Variants in IQCM observed in about 807,000 individuals in gnomAD.
The protein encoded by IQCM is IQ motif containing M.
A neutral mutation model predicts 57.6 loss-of-function variants in IQCM; 45 were observed. That is an observed-to-expected ratio of 0.78 (90% CI 0.62 to 1.00). The LOEUF is 1.00. Ranked by LOEUF, IQCM falls within the 50% of genes least tolerant of loss-of-function variation. IQCM has a pLI of 0.00. For synonymous variants in IQCM, 148 were observed against 158.9 expected (o/e 0.93, Z 0.51); for missense variants, 468 against 511.6 (o/e 0.91, Z 0.82).
chr4:149,390,384 T>A (rs145794643), intron 13 of IQCM, among the ~76,000 whole-genome samples: 1,674 of 152,070 alleles, frequency 0.011, 95 homozygotes, highest in Admixed American at 0.095. Context: ...AGAAATAGTT[T>A]TACTTCTTCC....
chr4:149,388,860 GT>G (rs1731639179), intron 13 of IQCM, among the ~76,000 whole-genome samples: 1 of 149,478 alleles, frequency 6.7e-6, no homozygotes, highest in Admixed American at 6.7e-5. Flanking sequence ...TATTATAAAT[GT>G]TCTTATATAT....
chr4:149,735,528 A>C (rs1766855636), intron 3 of IQCM, 70 bp from the exon 4 acceptor site: 1 of 610,920 alleles, frequency 1.6e-6, no homozygotes, highest in Admixed American at 4.4e-5. Context: ...TTGACATTAT[A>C]AAAGGAAGCA....
chr4:149,729,087 G>T (rs1440217151), intron 5 of IQCM, among the ~76,000 whole-genome samples: 2 of 152,208 alleles, frequency 1.3e-5, no homozygotes, highest in African/African-American at 4.8e-5. Context: ...GTCCAAAGAT[G>T]TTATAGAATT....
intron 12 of IQCM, among the ~76,000 whole-genome samples, chr4:149,518,856 T>A (rs1023967473): frequency 6.6e-6 from 1 of 152,082 alleles, no homozygotes; most frequent in Admixed American, 6.6e-5. Flanking sequence ...GAAAGTACTA[T>A]GGAAACATAT....
At chr4:149,614,427 G>A (rs1399118195) in intron 8 of IQCM, among the ~76,000 whole-genome samples, 1 of 152,074 alleles carries the variant, frequency 6.6e-6, no homozygotes, top group Non-Finnish European at 1.5e-5. Flanking sequence ...CTTCCCTCTA[G>A]CATGCTGTGC....
chr4:149,621,038 GT>G, intron 8 of IQCM, 90 bp downstream of exon 8: 1 of 517,706 alleles, frequency 1.9e-6, no homozygotes, highest in Non-Finnish European at 3.0e-6. Context: ...CAGGTCCATA[GT>G]AAAATCTCAA....
intron 5 of IQCM, among the ~76,000 whole-genome samples, chr4:149,701,285 G>T (rs2149813227): frequency 6.6e-6 from 1 of 151,990 alleles, no homozygotes; most frequent in Middle Eastern, 3.4e-3. Context: ...TGTGTTGGGG[G>T]GAAAACAAAA....
chr4:149,748,838 G>A (rs1768173883), intron 2 of IQCM: 1 of 152,086 alleles, frequency 6.6e-6, no homozygotes, highest in South Asian at 2.1e-4. Flanking sequence ...TCGAAATACT[G>A]AATTTTAGTC....
rs972947596 is a variant in IQCM at position 149,766,124 on chromosome 4, T to C, written c.-48-23385A>G. 3.3e-5 allele frequency among the ~76,000 whole-genome samples: 5 copies of C among 152,246 alleles called. No homozygotes were observed. In the East Asian group the frequency reaches 9.7e-4, roughly 29 times the overall value. On this transcript the variant is annotated intron_variant, in intron 2 of 13. Transcript: ENST00000636793. ...CTGCAACACCACTGTCTCTGTGTAT[T>C]GGCTTTTCTGTGCAGCAGGCAAGAA...
intron 12 of IQCM, among the ~76,000 whole-genome samples, chr4:149,532,332 T>C (rs1339598495): frequency 2.0e-5 from 3 of 152,080 alleles, no homozygotes; most frequent in Non-Finnish European, 2.9e-5. Context: ...AGGAGACACA[T>C]TGGCAAGAGA....
At chr4:149,496,145 T>C (rs1412303037) in intron 12 of IQCM, among the ~76,000 whole-genome samples, 1 of 151,690 alleles carries the variant, frequency 6.6e-6, no homozygotes, top group Non-Finnish European at 1.5e-5. Context: ...GGTGGAGGAG[T>C]AGGAGAGTAT....
Position 149,794,868 on chromosome 4 carries a change from C to A in IQCM, c.-49+20443G>T, listed in dbSNP as rs181989727. Among the ~76,000 whole-genome samples the A allele has an allele frequency of 3.0e-4, 45 of 151,864 alleles. No homozygotes were observed. The East Asian group carries it at 7.8e-3, about 26-fold the overall frequency. On this transcript the variant is annotated intron_variant, in intron 2 of 13. Transcript: ENST00000636793. ...AATATCATTTTTTAAAACTTTAAGA[C>A]CTACAAAGAGGCAGGAAACTAATAA...
intron 7 of IQCM, among the ~76,000 whole-genome samples, chr4:149,651,718 T>C (rs142418521): frequency 6.6e-6 from 1 of 152,282 alleles, no homozygotes; most frequent in East Asian, 1.9e-4. Flanking sequence ...ACTAACACTA[T>C]TAATATTTTG....
At chr4:149,806,311 CT>C (rs1204887041) in intron 2 of IQCM, among the ~76,000 whole-genome samples, 1 of 151,778 alleles carries the variant, frequency 6.6e-6, no homozygotes, top group African/African-American at 2.4e-5. Context: ...AAAGATTTAT[CT>C]TATTTTACGT....
intron 9 of IQCM, among the ~76,000 whole-genome samples, chr4:149,578,942 C>A (rs1751915601): frequency 6.6e-6 from 1 of 151,818 alleles, no homozygotes; most frequent in Admixed American, 6.6e-5. Flanking sequence ...CTTCCCCATG[C>A]TTTTGCCTCT....
chr4:149,648,328 G>A (rs1483733884), intron 7 of IQCM, among the ~76,000 whole-genome samples: 1 of 152,086 alleles, frequency 6.6e-6, no homozygotes, highest in Non-Finnish European at 1.5e-5. Flanking sequence ...AGTTTGCTGA[G>A]AATGATGGTT....
intron 13 of IQCM, among the ~76,000 whole-genome samples, chr4:149,396,664 AT>A (rs1381217475): frequency 6.6e-6 from 1 of 151,970 alleles, no homozygotes; most frequent in African/African-American, 2.4e-5. Context: ...TCTAGAGCTT[AT>A]TTGTATTGCT....
chr4:149,384,445 C>T (rs1731279546), intron 13 of IQCM, among the ~76,000 whole-genome samples: 1 of 152,138 alleles, frequency 6.6e-6, no homozygotes, highest in Non-Finnish European at 1.5e-5. Context: ...TTCTTAATCA[C>T]TAGATACTAC....
intron 12 of IQCM, among the ~76,000 whole-genome samples, chr4:149,493,429 T>C (rs1742304996): frequency 6.6e-6 from 1 of 152,102 alleles, no homozygotes; most frequent in Non-Finnish European, 1.5e-5. Flanking sequence ...GGAAAATGTG[T>C]TACCAACTGA....
Sources: allele counts gnomAD v4.1 joint callset (sites outside exome capture counted in the v4.1 genomes callset), GRCh38; gene constraint gnomAD v4.1.1; transcripts MANE v1.5; gene names NCBI Gene and HGNC (gene_info 2026-07-23, HGNC 2026-07-21).